The following PPM1L variants were observed in gnomAD, a reference collection of about 807,000 sequenced individuals.
PPM1L encodes protein phosphatase, Mg2+/Mn2+ dependent 1L.
A neutral mutation model predicts 31.4 loss-of-function variants in PPM1L; 13 were observed. That is an observed-to-expected ratio of 0.41 (90% CI 0.27 to 0.66). The LOEUF (loss-of-function observed/expected upper bound fraction) is 0.66. Among genes scored for constraint, PPM1L ranks in the 30% least tolerant of loss-of-function variants. The pLI, the probability that PPM1L is intolerant of heterozygous loss-of-function variation, is 0.29. For missense variants in PPM1L, 326 were observed against 453.7 expected (o/e 0.72, Z 2.56); for synonymous variants, 184 against 175.4 (o/e 1.05, Z -0.39).
intron 1 of PPM1L, among the ~76,000 whole-genome samples, chr3:160,787,360 G>A (rs757090170): frequency 6.6e-6 from 1 of 152,148 alleles, no homozygotes; most frequent in Non-Finnish European, 1.5e-5. Context: ...GAATAGTGAT[G>A]TTGAGCACTT....
Position 161,045,924 on chromosome 3 carries a change from A to G in PPM1L, c.575-19479A>G, listed in dbSNP as rs535132773. Among the ~76,000 whole-genome samples the G allele has an allele frequency of 1.2e-4, 18 of 151,962 alleles. No individual in the cohort carries two copies. In the East Asian group the frequency reaches 3.3e-3, roughly 28 times the overall value. On this transcript the variant is annotated intron_variant, in intron 2 of 3. Transcript: ENST00000498165. ...CAGGAGATCGAGACCGTCCTGGCTA[A>G]CACAGTGAAACCGTTTCTCTATTAA...
chr3:160,921,828 G>A (rs1041834733), intron 1 of PPM1L, among the ~76,000 whole-genome samples: 1 of 151,752 alleles, frequency 6.6e-6, no homozygotes, highest in Non-Finnish European at 1.5e-5. Flanking sequence ...GAGGAAGGCA[G>A]TTAAAAATTC....
At chr3:160,809,059 T>C (rs1020789882) in intron 1 of PPM1L, among the ~76,000 whole-genome samples, 1 of 152,228 alleles carries the variant, frequency 6.6e-6, no homozygotes, top group Non-Finnish European at 1.5e-5. Context: ...CTAATGTCAC[T>C]GTGCCTGGCA....
intron 2 of PPM1L, among the ~76,000 whole-genome samples, chr3:160,973,693 T>C (rs1716431960): frequency 6.6e-6 from 1 of 151,480 alleles, no homozygotes; most frequent in Non-Finnish European, 1.5e-5. Flanking sequence ...TTTGCAAATG[T>C]TATGTTCAGT....
chr3:160,896,921 G>A (rs896103114), intron 1 of PPM1L, among the ~76,000 whole-genome samples: 3 of 151,978 alleles, frequency 2.0e-5, no homozygotes, highest in African/African-American at 7.2e-5. Flanking sequence ...TTAATCTTTG[G>A]GTGCTTCCAC....
chr3:160,789,349 A>T (rs1055155505), intron 1 of PPM1L, among the ~76,000 whole-genome samples: 8 of 152,068 alleles, frequency 5.3e-5, no homozygotes, highest in South Asian at 2.1e-4. Context: ...AATGATCCTG[A>T]TAGATTTTCT....
intron 2 of PPM1L, among the ~76,000 whole-genome samples, chr3:160,967,903 C>T (rs1716206887): frequency 6.6e-6 from 1 of 152,040 alleles, no homozygotes; most frequent in Admixed American, 6.6e-5. Context: ...TCTTCTAGTT[C>T]TAAAACTATG....
intron 1 of PPM1L, among the ~76,000 whole-genome samples, chr3:160,840,238 T>C (rs1713830961): frequency 1.3e-5 from 2 of 152,202 alleles, no homozygotes; most frequent in African/African-American, 4.8e-5. Context: ...AAGAATACAA[T>C]GAAATTGAGA....
At chr3:160,869,050 C>A (rs190555702) in intron 1 of PPM1L, among the ~76,000 whole-genome samples, 1,761 of 152,228 alleles carry the variant, frequency 0.012, 33 homozygotes, top group African/African-American at 0.041. Context: ...ACCAGGAATG[C>A]GGGCTTTACT....
intron 1 of PPM1L, among the ~76,000 whole-genome samples, chr3:160,922,180 G>A (rs1430943336): frequency 1.3e-5 from 2 of 152,038 alleles, no homozygotes; most frequent in Admixed American, 6.6e-5. Context: ...CGTGGTGGCA[G>A]GCACCTGTAG....
chr3:160,777,046 G>A (rs1560104404), intron 1 of PPM1L, among the ~76,000 whole-genome samples: 1 of 151,882 alleles, frequency 6.6e-6, no homozygotes, highest in Admixed American at 6.6e-5. Context: ...ATTTCTGCTG[G>A]GCATGGTGGC....
At chr3:161,054,864 A>T (rs976564986) in intron 2 of PPM1L, among the ~76,000 whole-genome samples, 3 of 152,194 alleles carry the variant, frequency 2.0e-5, no homozygotes, top group Admixed American at 2.0e-4. Context: ...CCATATAGAT[A>T]GATCATTTTC....
At chr3:160,855,718 C>T (rs1273549129) in intron 1 of PPM1L, among the ~76,000 whole-genome samples, 1 of 152,122 alleles carries the variant, frequency 6.6e-6, no homozygotes, top group African/African-American at 2.4e-5. Flanking sequence ...ACAACAGATG[C>T]TGGCGAGGTT....
chr3:160,932,081 G>A (rs553072251), intron 1 of PPM1L, among the ~76,000 whole-genome samples: 1 of 151,984 alleles, frequency 6.6e-6, no homozygotes, highest in Non-Finnish European at 1.5e-5. Context: ...GAGGAGTGAG[G>A]AAAACCTTTT....
intron 2 of PPM1L, among the ~76,000 whole-genome samples, chr3:161,064,317 T>C (rs1210891055): frequency 6.6e-6 from 1 of 151,432 alleles, no homozygotes; most frequent in African/African-American, 2.4e-5. Context: ...CAGTGAGTTA[T>C]GATCACAACA....
intron 2 of PPM1L, among the ~76,000 whole-genome samples, chr3:161,058,085 A>G (rs1025026521): frequency 2.9e-5 from 4 of 140,254 alleles, no homozygotes; most frequent in Admixed American, 1.4e-4. Context: ...GCATTATAAT[A>G]AAATACTTTA....
At chr3:160,830,039 AAAC>A (rs1256783672) in intron 1 of PPM1L, among the ~76,000 whole-genome samples, 2 of 152,176 alleles carry the variant, frequency 1.3e-5, no homozygotes, top group African/African-American at 4.8e-5. Flanking sequence ...GCAGTTGAGA[AAAC>A]AAGAAGAAAT....
rs944717827 is a variant in PPM1L, at chr3:160,834,908, G to A, written c.399+78201G>A. On this transcript the variant is annotated intron_variant, in intron 1 of 3. Transcript: ENST00000498165. The stretch of plus-strand genomic sequence containing the variant: ...TCATGAACATTGATGTGCAGGTTTA[G>A]TGTCGACATAGGTTTTTTTTCCTCT... Among the ~76,000 whole-genome samples the A allele has an allele frequency of 6.1e-4, 93 of 152,010 alleles. 2 individuals carry two copies. Among genetic ancestry groups the A allele is most frequent in the Non-Finnish European group, 2.9e-5 (2 of 67,996 alleles).
intron 1 of PPM1L, among the ~76,000 whole-genome samples, chr3:160,922,060 C>T (rs1714423992): frequency 6.6e-6 from 1 of 152,140 alleles, no homozygotes; most frequent in Admixed American, 6.5e-5. Flanking sequence ...CCTGTAATCC[C>T]AGCACTTTGG....
Sources: allele counts gnomAD v4.1 joint callset (sites outside exome capture counted in the v4.1 genomes callset), GRCh38; gene constraint gnomAD v4.1.1; transcripts MANE v1.5; gene names NCBI Gene and HGNC (gene_info 2026-07-23, HGNC 2026-07-21).